The following FNDC3A variants were observed in gnomAD, a reference collection of about 807,000 sequenced individuals.
FNDC3A encodes the protein fibronectin type III domain containing 3A.
In FNDC3A, 32 loss-of-function variants were observed where a neutral mutation model predicts 148.9. The observed-to-expected ratio is 0.21, with a 90% CI of 0.16 to 0.29. The LOEUF (loss-of-function observed/expected upper bound fraction) is 0.29. FNDC3A is among the 10% of genes least tolerant of loss of function. The pLI is 1.00. For synonymous variants in FNDC3A, 472 were observed against 473.6 expected (o/e 1.00, Z 0.04); for missense variants, 1,191 against 1,452.8 (o/e 0.82, Z 2.93).
chr13:48,985,055 G>A (rs1951763321), intron 1 of FNDC3A, among the ~76,000 whole-genome samples: 1 of 152,158 alleles, frequency 6.6e-6, no homozygotes, highest in Admixed American at 6.5e-5. Context: ...AAACTCGTTG[G>A]AGTAGAGAAG....
chr13:49,002,260 A>G lies in FNDC3A; in HGVS notation c.-39-3892A>G, dbSNP rs531516512. ...TCCTGATCTTAAAGGAAAAGCTTTC[A>G]GTCTTCCACCATTGAGTGTGATCTT... On this transcript the variant is annotated intron_variant, in intron 1 of 25. Coordinates refer to ENST00000492622, the MANE Select transcript of FNDC3A (RefSeq NM_001079673.2). Among the ~76,000 whole-genome samples, 8 of 152,302 alleles carry G rather than the reference A, an allele frequency of 5.3e-5. No homozygotes were observed. The South Asian group carries it at 1.7e-3, about 32-fold the overall frequency.
chr13:49,095,165 T>G (rs1879443552), intron 3 of FNDC3A, among the ~76,000 whole-genome samples: 1 of 151,990 alleles, frequency 6.6e-6, no homozygotes, highest in Non-Finnish European at 1.5e-5. Context: ...ATTAAGACCC[T>G]AAGCTCATTC....
At chr13:49,079,967 A>G (rs1878365296) in intron 3 of FNDC3A, among the ~76,000 whole-genome samples, 1 of 152,070 alleles carries the variant, frequency 6.6e-6, no homozygotes, top group Admixed American at 6.6e-5. Flanking sequence ...GGTGCATGCC[A>G]CCATGCTTTT....
intron 2 of FNDC3A, 128 bp downstream of exon 2, chr13:49,006,417 G>T: frequency 2.0e-6 from 1 of 500,316 alleles, no homozygotes; most frequent in Non-Finnish European, 3.6e-6. Context: ...ATGTTGTTCA[G>T]TTTTATAAGA....
intron 2 of FNDC3A, among the ~76,000 whole-genome samples, chr13:49,014,217 G>A (rs12021095): frequency 1.0e-5 from 1 of 96,598 alleles, no homozygotes; most frequent in South Asian, 4.4e-4. Flanking sequence ...CCCACCAACA[G>A]TGTAAAAGTG....
intron 4 of FNDC3A, among the ~76,000 whole-genome samples, chr13:49,120,587 A>G (rs534000602): frequency 1.4e-3 from 206 of 152,252 alleles, no homozygotes; most frequent in African/African-American, 4.8e-3. Flanking sequence ...TGCTGTATTC[A>G]GGAGACCCAT....
At chr13:49,008,187 T>C (rs573042360) in intron 2 of FNDC3A, among the ~76,000 whole-genome samples, 49 of 152,278 alleles carry the variant, frequency 3.2e-4, no homozygotes, top group Non-Finnish European at 5.6e-4. Flanking sequence ...GAGATAGTTA[T>C]AATAAGCAGT....
intron 25 of FNDC3A, among the ~76,000 whole-genome samples, chr13:49,205,190 C>G (rs1886592653): frequency 6.6e-6 from 1 of 152,134 alleles, no homozygotes; most frequent in Non-Finnish European, 1.5e-5. Context: ...ATGTATTCTT[C>G]CTCTTTGTAC....
At chr13:49,155,466 A>G (rs1883605620) in intron 8 of FNDC3A, among the ~76,000 whole-genome samples, 1 of 146,518 alleles carries the variant, frequency 6.8e-6, no homozygotes. Flanking sequence ...CTTTCAAAAA[A>G]CCAGCTCCTG....
chr13:49,202,448 CT>C, intron 24 of FNDC3A, among the ~76,000 whole-genome samples: 1 of 152,208 alleles, frequency 6.6e-6, no homozygotes, highest in South Asian at 2.1e-4. Context: ...ATACATTTAT[CT>C]TTTAATTTTA....
intron 7 of FNDC3A, among the ~76,000 whole-genome samples, 162 bp from the exon 8 acceptor site, chr13:49,145,616 C>G (rs1882948441): frequency 6.6e-6 from 1 of 152,042 alleles, no homozygotes. Flanking sequence ...GTTGTGGAAC[C>G]CACAACAAAT....
chr13:49,172,289 A>G (rs1884793584), intron 11 of FNDC3A, among the ~76,000 whole-genome samples, 193 bp downstream of exon 11: 1 of 152,224 alleles, frequency 6.6e-6, no homozygotes, highest in African/African-American at 2.4e-5. Flanking sequence ...TTTTCAATAA[A>G]TCACCATCAA....
chr13:49,160,526 T>G (rs1884032980), intron 8 of FNDC3A, among the ~76,000 whole-genome samples: 1 of 152,168 alleles, frequency 6.6e-6, no homozygotes, highest in Admixed American at 6.5e-5. Flanking sequence ...TTTATTAGTC[T>G]TGCTAGCGGT....
At chr13:49,121,725 T>C (rs1020755335) in intron 4 of FNDC3A, among the ~76,000 whole-genome samples, 13 of 152,150 alleles carry the variant, frequency 8.5e-5, no homozygotes, top group African/African-American at 2.4e-4. Flanking sequence ...AACACCTCTA[T>C]GCAAATAAAC....
intron 2 of FNDC3A, among the ~76,000 whole-genome samples, chr13:49,021,045 G>A (rs1272641641): frequency 6.6e-6 from 1 of 152,198 alleles, no homozygotes; most frequent in Non-Finnish European, 1.5e-5. Flanking sequence ...TTCATACTGA[G>A]AGAATTTCAA....
intron 8 of FNDC3A, 53 bp from the exon 9 acceptor site, chr13:49,167,191 T>C (rs1884512626): frequency 1.9e-6 from 2 of 1,079,168 alleles, no homozygotes; most frequent in East Asian, 4.8e-5. Context: ...TAATGTACAT[T>C]GGTTGAAAAT....
At chr13:49,194,120 G>A (rs1349979499) in intron 19 of FNDC3A, among the ~76,000 whole-genome samples, 2 of 151,956 alleles carry the variant, frequency 1.3e-5, no homozygotes, top group African/African-American at 4.8e-5. Flanking sequence ...AATTAGCTGG[G>A]CTTGGTGGTA....
intron 11 of FNDC3A, 45 bp downstream of exon 11, chr13:49,172,141 T>A: frequency 8.3e-7 from 1 of 1,207,976 alleles, no homozygotes; most frequent in Non-Finnish European, 1.2e-6. Context: ...TATGTGCATA[T>A]GTTCAGGCAA....
At chr13:49,066,578 A>G (rs1410023592) in intron 2 of FNDC3A, among the ~76,000 whole-genome samples, 1 of 152,236 alleles carries the variant, frequency 6.6e-6, no homozygotes, top group African/African-American at 2.4e-5. Flanking sequence ...CAGACTAGGC[A>G]ACAAAGACTT....
Sources: gnomAD v4.1 joint callset for allele counts (sites outside exome capture counted in the v4.1 genomes callset) on GRCh38, gnomAD v4.1.1 for gene constraint, MANE v1.5 for transcripts, NCBI Gene and HGNC (gene_info 2026-07-23, HGNC 2026-07-21) for gene names.